BMP2K: variants seen among roughly 807,000 people sequenced by gnomAD.
BMP2K encodes the protein BMP-2-inducible protein kinase.
A neutral mutation model predicts 116.0 loss-of-function variants in BMP2K; 74 were observed. The observed-to-expected ratio is 0.64, with a 90% confidence interval of 0.53 to 0.77. The LOEUF (loss-of-function observed/expected upper bound fraction) is 0.77, where lower values mean the gene tolerates loss of function less well. Among genes scored for constraint, BMP2K ranks in the 30% least tolerant of loss-of-function variants. The probability of loss-of-function intolerance (pLI) is 0.00; values close to 1 mark genes in which losing one functional copy is unlikely to be tolerated. For missense variants in BMP2K, 1,365 were observed against 1,403.6 expected, an observed-to-expected ratio of 0.97 and a Z score of 0.44; for synonymous variants, 486 against 502.5, an observed-to-expected ratio of 0.97 and a Z score of 0.44.
At position 78,865,632 on chromosome 4, in the gene BMP2K, T is replaced by G. The variant is rs142399015; in HGVS notation, c.1143T>G (p.Thr381=). Residue 381 remains threonine (T), a synonymous_variant, in exon 10 of 16, where the codon ACT becomes ACG. Transcript: ENST00000502613. ...GACCAAAGGCCAACTCTGCTACTAC[T>G]GCCACTCCCAGTGTGCTGACCATTC... ...RQRPKANSAT[T]ATPSVLTIQS... 1.1e-4 allele frequency: 181 copies of G among 1,614,030 alleles called. 1 individual carries two copies. The highest frequency in any genetic ancestry group is 1.5e-4 in the Non-Finnish European group (177 of 1,179,996).
At chr4:78,891,861 C>A (rs1394627645) in intron 15 of BMP2K, among the ~76,000 whole-genome samples, 1 of 152,068 alleles carries the variant, frequency 6.6e-6, no homozygotes, top group East Asian at 1.9e-4. Flanking sequence ...CTTGAGAAAT[C>A]CTTTAGTTTG....
intron 1 of BMP2K, among the ~76,000 whole-genome samples, chr4:78,818,788 G>GTGTT (rs1211652608): frequency 1.4e-5 from 2 of 147,496 alleles, no homozygotes; most frequent in African/African-American, 5.0e-5. Context: ...AGATGAAGCA[G>GTGTT]TGTTTTTTTT....
intron 3 of BMP2K, among the ~76,000 whole-genome samples, chr4:78,835,627 CAAAA>C (rs561192085): frequency 4.3e-5 from 3 of 69,514 alleles, no homozygotes; most frequent in Admixed American, 1.8e-4. Flanking sequence ...GACTCCGTGT[CAAAA>C]AAAAAAAAAA....
At chr4:78,836,676 T>G (rs1240045652) in intron 3 of BMP2K, among the ~76,000 whole-genome samples, 1 of 152,192 alleles carries the variant, frequency 6.6e-6, no homozygotes, top group Non-Finnish European at 1.5e-5. Context: ...TCTGACTGGA[T>G]TTTTTGGAGA....
chr4:78,882,367 T>C (rs1213544705), intron 14 of BMP2K, among the ~76,000 whole-genome samples: 2 of 151,714 alleles, frequency 1.3e-5, no homozygotes, highest in Non-Finnish European at 3.0e-5. Context: ...TTGTTTTACC[T>C]GTTCTTAATT....
intron 9 of BMP2K, among the ~76,000 whole-genome samples, chr4:78,864,843 G>T (rs1173643773): frequency 6.6e-6 from 1 of 152,108 alleles, no homozygotes; most frequent in African/African-American, 2.4e-5. Flanking sequence ...AAAGCAAGTT[G>T]ATAAATATAT....
chr4:78,808,287 A>G (rs1182177564), intron 1 of BMP2K, among the ~76,000 whole-genome samples: 1 of 132,028 alleles, frequency 7.6e-6, no homozygotes, highest in African/African-American at 2.9e-5. Context: ...TTTTTTTGAG[A>G]CTGAGTCTCG....
At chr4:78,894,663 G>A (rs537964341) in intron 15 of BMP2K, among the ~76,000 whole-genome samples, 32 of 152,254 alleles carry the variant, frequency 2.1e-4, no homozygotes, top group Admixed American at 9.8e-4. Context: ...CTTTCTTACC[G>A]TTCATCACTG....
At chr4:78,830,156 C>T (rs1730141060) in intron 2 of BMP2K, among the ~76,000 whole-genome samples, 1 of 152,142 alleles carries the variant, frequency 6.6e-6, no homozygotes, top group Non-Finnish European at 1.5e-5. Context: ...GGATTATAGG[C>T]AAGAGCCGCC....
chr4:78,873,625 G>T (rs1454214096), intron 13 of BMP2K, among the ~76,000 whole-genome samples: 2 of 151,832 alleles, frequency 1.3e-5, no homozygotes, highest in East Asian at 3.9e-4. Context: ...GAGAGCTAAA[G>T]TATGCAGTTT....
At chr4:78,778,466 A>G (rs1303964740) in intron 1 of BMP2K, among the ~76,000 whole-genome samples, 3 of 152,266 alleles carry the variant, frequency 2.0e-5, no homozygotes, top group Admixed American at 6.5e-5. Context: ...ATTTCTCTTG[A>G]AAAGTCAATA....
chr4:78,812,799 A>G (rs1008554335), intron 1 of BMP2K, among the ~76,000 whole-genome samples: 1 of 152,138 alleles, frequency 6.6e-6, no homozygotes, highest in African/African-American at 2.4e-5. Flanking sequence ...TTGGGAGGCC[A>G]AGGCAGGAGG....
chr4:78,787,458 T>A (rs1727782713), intron 1 of BMP2K, among the ~76,000 whole-genome samples: 1 of 152,206 alleles, frequency 6.6e-6, no homozygotes, highest in Non-Finnish European at 1.5e-5. Context: ...CTAGCCTGAA[T>A]TCCCTTGAGC....
At chr4:78,872,480 T>A in intron 12 of BMP2K, 134 bp from the exon 13 acceptor site, 1 of 760,856 alleles carries the variant, frequency 1.3e-6, no homozygotes, top group Non-Finnish European at 2.0e-6. Flanking sequence ...ATAGAGCTGC[T>A]TCTGTAGATG....
intron 3 of BMP2K, among the ~76,000 whole-genome samples, chr4:78,834,475 A>T (rs1730365831): frequency 6.6e-6 from 1 of 151,912 alleles, no homozygotes; most frequent in Non-Finnish European, 1.5e-5. Context: ...GTTCACCAGG[A>T]TGGTCTCGAT....
At chr4:78,875,438 A>T (rs1014158556) in intron 13 of BMP2K, among the ~76,000 whole-genome samples, 10 of 152,200 alleles carry the variant, frequency 6.6e-5, no homozygotes, top group Non-Finnish European at 1.5e-5. Flanking sequence ...TATCTTTAGT[A>T]TGAATATCAG....
intron 15 of BMP2K, among the ~76,000 whole-genome samples, chr4:78,892,324 A>G (rs1166343585): frequency 1.3e-5 from 2 of 152,074 alleles, no homozygotes; most frequent in Non-Finnish European, 2.9e-5. Context: ...TTATATTTTT[A>G]AAGAAATTTG....
At chr4:78,838,735 A>T (rs1730613808) in intron 3 of BMP2K, among the ~76,000 whole-genome samples, 2 of 152,258 alleles carry the variant, frequency 1.3e-5, no homozygotes, top group South Asian at 4.1e-4. Flanking sequence ...CTGTACAGAG[A>T]GTAAAACAAT....
chr4:78,805,087 A>G (rs986130184), intron 1 of BMP2K, among the ~76,000 whole-genome samples: 4 of 152,156 alleles, frequency 2.6e-5, no homozygotes, highest in East Asian at 3.8e-4. Flanking sequence ...TAGTTTTTGT[A>G]TATGATGTGA....
Sources: gnomAD v4.1 joint callset for allele counts (sites outside exome capture counted in the v4.1 genomes callset) on GRCh38, gnomAD v4.1.1 for gene constraint, MANE v1.5 for transcripts, NCBI Gene and HGNC (gene_info 2026-07-23, HGNC 2026-07-21) for gene names.